Variants in LTBP1 observed in about 807,000 individuals in gnomAD.
LTBP1 encodes the protein latent-transforming growth factor beta-binding protein 1.
In LTBP1, 129 loss-of-function variants were observed where a neutral mutation model predicts 207.6. The observed-to-expected ratio is 0.62, with a 90% CI of 0.54 to 0.72. LTBP1 has a LOEUF of 0.72. Among genes scored for constraint, LTBP1 ranks in the 30% least tolerant of loss-of-function variants. LTBP1 has a pLI of 0.00. For synonymous variants in LTBP1, 963 were observed against 833.7 expected, an observed-to-expected ratio of 1.16 and a Z score of -2.67; for missense variants, 2,281 against 2,217.2, an observed-to-expected ratio of 1.03 and a Z score of -0.58.
chr2:33,160,672 T>C (rs1371778791), intron 5 of LTBP1, among the ~76,000 whole-genome samples: 1 of 152,220 alleles, frequency 6.6e-6, no homozygotes, highest in Non-Finnish European at 1.5e-5. Flanking sequence ...ACAAGTACTA[T>C]CAACTAGGTA....
intron 5 of LTBP1, among the ~76,000 whole-genome samples, chr2:33,174,628 A>C (rs560947436): frequency 8.5e-5 from 13 of 152,256 alleles, no homozygotes; most frequent in South Asian, 4.1e-4. Context: ...GCTACCAATG[A>C]CTTTCTTCAC....
chr2:32,947,501 C>T lies in LTBP1; in HGVS notation c.177C>T (p.Asn59=). Residue 59 remains asparagine (N), a synonymous_variant, in exon 1 of 34, where the codon AAC becomes AAT. Transcript: ENST00000404816. The stretch of plus-strand genomic sequence containing the variant: ...CGCGGACATTCAACGTCGCGCTCAA[C>T]GCCAGGTACAGCCGCAGCTCGGCGG... ...PRSRTFNVAL[N]ARYSRSSAAA... is the part of the protein sequence containing the mutation. 1 of 1,435,502 alleles carries T rather than the reference C, an allele frequency of 7.0e-7. No homozygotes were observed. Among genetic ancestry groups the T allele is most frequent in the Non-Finnish European group, 9.1e-7 (1 of 1,097,454 alleles). 88.9% of individuals were successfully genotyped at this position (1,435,502 alleles called of 1,614,324 possible).
intron 18 of LTBP1, among the ~76,000 whole-genome samples, chr2:33,277,832 T>TCTC (rs1419867527): frequency 9.9e-6 from 1 of 101,202 alleles, no homozygotes; most frequent in African/African-American, 4.2e-5. Flanking sequence ...TTTCTTTCTT[T>TCTC]TTTTTTTTTT....
chr2:33,386,552 C>T (rs922842583), intron 31 of LTBP1, among the ~76,000 whole-genome samples: 9 of 152,308 alleles, frequency 5.9e-5, no homozygotes, highest in Non-Finnish European at 7.4e-5. Flanking sequence ...TGGCCAAGCA[C>T]GGCAGCTCGC....
At chr2:33,167,169 T>G (rs190096919) in intron 5 of LTBP1, among the ~76,000 whole-genome samples, 41 of 152,324 alleles carry the variant, frequency 2.7e-4, no homozygotes, top group Middle Eastern at 6.8e-3. Flanking sequence ...AAAGAATTAT[T>G]TGCATGAAAA....
intron 3 of LTBP1, among the ~76,000 whole-genome samples, chr2:33,077,396 G>A (rs425708): frequency 0.88 from 134,132 of 152,216 alleles, 61,347 homozygotes; most frequent in East Asian, 1. Context: ...AATTGGCTCA[G>A]GGTTCTGCAG....
At chr2:33,191,421 C>G (rs182696582) in intron 7 of LTBP1, among the ~76,000 whole-genome samples, 36 of 152,300 alleles carry the variant, frequency 2.4e-4, no homozygotes, top group African/African-American at 8.4e-4. Context: ...TGCATGTGTA[C>G]TCACTCATAC....
chr2:33,258,763 G>T (rs1357204354), intron 12 of LTBP1, among the ~76,000 whole-genome samples: 1 of 152,122 alleles, frequency 6.6e-6, no homozygotes. Context: ...ATTTTACTTT[G>T]TCTGGTACCC....
chr2:33,396,425 T>G (rs986310404), intron 32 of LTBP1, among the ~76,000 whole-genome samples: 2 of 152,196 alleles, frequency 1.3e-5, no homozygotes, highest in East Asian at 1.9e-4. Context: ...TTTCACCATG[T>G]TGGCCACGCT....
intron 10 of LTBP1, among the ~76,000 whole-genome samples, chr2:33,251,622 G>A (rs1291809757): frequency 2.9e-5 from 4 of 139,882 alleles, no homozygotes; most frequent in African/African-American, 8.1e-5. Context: ...CTGAGATCGC[G>A]CCACTGCACT....
chr2:33,343,113 C>A, intron 25 of LTBP1, 150 bp downstream of exon 25: 2 of 983,992 alleles, frequency 2.0e-6, no homozygotes, highest in Non-Finnish European at 2.9e-6. Context: ...GCAAAAATAT[C>A]CTATGTTGGC....
chr2:33,138,994 G>A (rs567223394), intron 5 of LTBP1, among the ~76,000 whole-genome samples: 2 of 150,566 alleles, frequency 1.3e-5, no homozygotes, highest in African/African-American at 2.4e-5. Flanking sequence ...GAGTAGCTGG[G>A]ACTACAGGCG....
intron 2 of LTBP1, among the ~76,000 whole-genome samples, chr2:32,995,381 C>T (rs1352930707): frequency 6.6e-6 from 1 of 152,116 alleles, no homozygotes; most frequent in Non-Finnish European, 1.5e-5. Flanking sequence ...CACACGTGTC[C>T]AGGTGATGCT....
rs372790625 is a variant in LTBP1 at position 33,103,785 on chromosome 2, G to C, written c.864-6797G>C. On this transcript the variant is annotated intron_variant, in intron 3 of 33. Coordinates refer to ENST00000404816, the MANE Select transcript of LTBP1 (RefSeq NM_206943.4). ...TACTTGAATGCCCATCCTGCTTGTT[G>C]AGTAGCATTCACCCATCCTTCTCAA... is the stretch of plus-strand genomic sequence containing the variant. 3.9e-5 allele frequency among the ~76,000 whole-genome samples: 6 copies of C among 152,216 alleles called. 1 individual carries two copies. Among genetic ancestry groups the C allele is most frequent in the Admixed American group, 2.0e-4 (3 of 15,290 alleles).
chr2:33,090,716 G>A (rs1310123205), intron 3 of LTBP1, among the ~76,000 whole-genome samples: 1 of 152,110 alleles, frequency 6.6e-6, no homozygotes, highest in Non-Finnish European at 1.5e-5. Flanking sequence ...GGGTTGAGGC[G>A]GTGGGGTGCT....
Position 33,300,556 on chromosome 2 carries a change from C to T in LTBP1, c.3341C>T (p.Ala1114Val). ...GGACAGGGGTACCAGCTGTCGGCAG[C>T]TAAAGACCAGTGTGAAGGTAAGAGG... is the stretch of plus-strand genomic sequence containing the variant. ...TCGQGYQLSAAKDQCEDIDEC... is the reference protein window; with the variant it reads ...TCGQGYQLSAVKDQCEDIDEC... The change falls in exon 21 of 34, where the codon GCT becomes GTT. Residue 1114 changes from alanine to valine, a missense_variant. This residue lies in a region of LTBP1 where 1,671 missense variants were observed against 1,634.8 expected (regional missense o/e 1.02). Coordinates refer to ENST00000404816, the MANE Select transcript of LTBP1 (RefSeq NM_206943.4). 1.9e-6 allele frequency: 3 copies of T among 1,613,364 alleles called. No homozygotes were observed. Among genetic ancestry groups the T allele is most frequent in the Non-Finnish European group, 2.5e-6 (3 of 1,179,556 alleles).
chr2:33,289,722 G>A (rs1436433729), intron 19 of LTBP1, among the ~76,000 whole-genome samples: 3 of 152,082 alleles, frequency 2.0e-5, no homozygotes, highest in Admixed American at 6.6e-5. Flanking sequence ...CAGATAAAAC[G>A]CAAAGGCCTG....
At chr2:33,048,400 G>C (rs893071751) in intron 3 of LTBP1, among the ~76,000 whole-genome samples, 5 of 152,178 alleles carry the variant, frequency 3.3e-5, no homozygotes, top group African/African-American at 1.2e-4. Flanking sequence ...TAATAGTAGA[G>C]AAAAACAGGT....
chr2:33,231,971 A>G (rs1287088304), intron 9 of LTBP1, among the ~76,000 whole-genome samples: 1 of 152,218 alleles, frequency 6.6e-6, no homozygotes, highest in African/African-American at 2.4e-5. Flanking sequence ...GAACTACTGC[A>G]GTGGAGTTTT....
Sources: gnomAD v4.1 joint callset for allele counts (sites outside exome capture counted in the v4.1 genomes callset) on GRCh38, gnomAD v4.1.1 for gene constraint, gnomAD v4.1.1 regional missense constraint, MANE v1.5 for transcripts, NCBI Gene and HGNC (gene_info 2026-07-23, HGNC 2026-07-21) for gene names.